Variants in SUCO observed in about 807,000 individuals in gnomAD.
The protein encoded by SUCO is SUN domain containing ossification factor, also known as SUN domain-containing ossification factor.
A neutral mutation model predicts 148.1 loss-of-function variants in SUCO; 57 were observed. The ratio of observed to expected loss-of-function variants is 0.38; its 90% CI spans 0.31 to 0.48. The LOEUF (loss-of-function observed/expected upper bound fraction) is 0.48. Among genes scored for constraint, SUCO ranks in the 20% least tolerant of loss-of-function variants. The probability of loss-of-function intolerance (pLI) is 0.96; values close to 1 mark genes in which losing one functional copy is unlikely to be tolerated. For missense variants in SUCO, 1,331 were observed against 1,468.2 expected, an observed-to-expected ratio of 0.91 and a Z score of 1.53; for synonymous variants, 470 against 502.7, an observed-to-expected ratio of 0.93 and a Z score of 0.87.
chr1:172,549,300 G>A (rs1054130162), intron 1 of SUCO, among the ~76,000 whole-genome samples: 7 of 151,694 alleles, frequency 4.6e-5, no homozygotes, highest in Non-Finnish European at 1.0e-4. Flanking sequence ...ACAGACTCCA[G>A]TTTAGTTTTA....
chr1:172,593,402 G>A (rs1260265352), intron 19 of SUCO, among the ~76,000 whole-genome samples: 1 of 152,164 alleles, frequency 6.6e-6, no homozygotes, highest in Non-Finnish European at 1.5e-5. Flanking sequence ...TATGATATTG[G>A]CTGTGGGTTT....
intron 1 of SUCO, among the ~76,000 whole-genome samples, chr1:172,548,948 T>G (rs1571190521): frequency 1.3e-5 from 2 of 152,004 alleles, no homozygotes; most frequent in Admixed American, 1.3e-4. Flanking sequence ...ACTTTTTGTT[T>G]ATTCTCTTTC....
chr1:172,543,651 A>G lies in SUCO; in HGVS notation c.63-7861A>G, dbSNP rs565661528. Among the ~76,000 whole-genome samples the G allele has an allele frequency of 5.3e-5, 8 of 152,306 alleles. No homozygotes were observed. The East Asian group carries it at 7.7e-4, about 15-fold the overall frequency. On this transcript the variant is annotated intron_variant, in intron 1 of 23. Transcript: ENST00000263688. ...TTAAGCTAAGAAAATTTAAGACCCA[A>G]TCCTACATCAGAGTGAAGTTAAAAG...
chr1:172,577,960 A>T, intron 13 of SUCO, 141 bp downstream of exon 13: 1 of 619,928 alleles, frequency 1.6e-6, no homozygotes. Flanking sequence ...TTTCTTTTGA[A>T]TGCATTTTGG....
At chr1:172,565,184 G>A (rs1367539790) in intron 6 of SUCO, among the ~76,000 whole-genome samples, 1 of 152,168 alleles carries the variant, frequency 6.6e-6, no homozygotes, top group East Asian at 1.9e-4. Flanking sequence ...GACTTCAGAG[G>A]CCCTGACTTG....
intron 6 of SUCO, among the ~76,000 whole-genome samples, chr1:172,566,756 G>A (rs1050508425): frequency 6.6e-6 from 1 of 152,194 alleles, no homozygotes; most frequent in Non-Finnish European, 1.5e-5. Context: ...ATGGAAAGGG[G>A]TGGTAACTTC....
At chr1:172,609,263 T>A (rs1335475163) in intron 23 of SUCO, 1 of 984,742 alleles carries the variant, frequency 1.0e-6, no homozygotes, top group Non-Finnish European at 1.2e-6. Flanking sequence ...GTACTTAGGA[T>A]TTTTTGGCTT....
chr1:172,532,721 A>G (rs552718036), upstream of SUCO: 9 of 1,614,002 alleles, frequency 5.6e-6, no homozygotes, highest in East Asian at 1.3e-4. Flanking sequence ...GGGACTGGGA[A>G]AGAGAAAAAC....
chr1:172,532,950 T>C, upstream of SUCO: 1 of 1,365,978 alleles, frequency 7.3e-7, no homozygotes, highest in South Asian at 1.5e-5. Flanking sequence ...CTTCTCCGCC[T>C]GCGACGTCGA....
intron 22 of SUCO, 55 bp downstream of exon 22, chr1:172,602,842 C>A: frequency 7.0e-7 from 1 of 1,427,460 alleles, no homozygotes; most frequent in Non-Finnish European, 9.8e-7. Context: ...TAGCTTCTGG[C>A]ATAAATATAA....
At chr1:172,593,690 A>G (rs1656846801) in intron 19 of SUCO, among the ~76,000 whole-genome samples, 1 of 152,170 alleles carries the variant, frequency 6.6e-6, no homozygotes, top group South Asian at 2.1e-4. Context: ...TATTTTATTG[A>G]GGATTTTTGC....
intron 9 of SUCO, among the ~76,000 whole-genome samples, chr1:172,573,310 T>C (rs1655184564): frequency 6.6e-6 from 1 of 152,184 alleles, no homozygotes; most frequent in African/African-American, 2.4e-5. Flanking sequence ...GAAATGATAG[T>C]TTCTGGTACC....
At chr1:172,588,408 A>G (rs568383381) in intron 17 of SUCO, 642 of 984,292 alleles carry the variant, frequency 6.5e-4, no homozygotes, top group Admixed American at 9.8e-4. Flanking sequence ...TGAAGCTTGT[A>G]AAGATTCAGT....
intron 23 of SUCO, 31 bp downstream of exon 23, chr1:172,608,833 C>A (rs775295080): frequency 1.3e-5 from 19 of 1,411,902 alleles, no homozygotes; most frequent in Admixed American, 9.5e-5. Context: ...AAGTTTATTG[C>A]TATGTTTTGT....
chr1:172,606,995 A>G (rs1328082337), intron 22 of SUCO, among the ~76,000 whole-genome samples: 1 of 151,294 alleles, frequency 6.6e-6, no homozygotes, highest in Non-Finnish European at 1.5e-5. Context: ...TATTTTTTCC[A>G]TTTCCAGGAG....
At chr1:172,594,061 G>A (rs144170803) in intron 19 of SUCO, among the ~76,000 whole-genome samples, 1,796 of 152,134 alleles carry the variant, frequency 0.012, 31 homozygotes, top group African/African-American at 0.039. Flanking sequence ...GTTTATTTGC[G>A]TAGAGGTGTT....
intron 20 of SUCO, among the ~76,000 whole-genome samples, chr1:172,601,795 T>C (rs1349938860): frequency 2.6e-5 from 4 of 152,228 alleles, no homozygotes; most frequent in Non-Finnish European, 5.9e-5. Flanking sequence ...TGTTAACAAT[T>C]GGTGAGATAG....
At chr1:172,533,087 G>T (rs1408857001), upstream of SUCO, 3 of 1,429,362 alleles carry the variant, frequency 2.1e-6, no homozygotes, top group Non-Finnish European at 2.7e-6. Context: ...GTTGAGAGGC[G>T]AGTACGCGGC....
In SUCO at chr1:172,564,203, G is replaced by A. The variant is rs187964522; in HGVS notation, c.733-4816G>A. 1.4e-4 allele frequency among the ~76,000 whole-genome samples: 22 copies of A among 152,366 alleles called. No homozygotes were observed. The East Asian group carries it at 4.1e-3, about 28-fold the overall frequency. Reference sequence around the variant, plus strand: ...AGTGCAGAGGGGAAATATGGGGTGGGAACCCCCAATCCCCAGCATCCCCAC... The same window carrying A: ...AGTGCAGAGGGGAAATATGGGGTGGAAACCCCCAATCCCCAGCATCCCCAC... On this transcript the variant is annotated intron_variant, in intron 6 of 23. Coordinates refer to ENST00000263688, the MANE Select transcript of SUCO (RefSeq NM_014283.5).
Sources: gnomAD v4.1 joint callset for allele counts (sites outside exome capture counted in the v4.1 genomes callset) on GRCh38, gnomAD v4.1.1 for gene constraint, MANE v1.5 for transcripts, NCBI Gene and HGNC (gene_info 2026-07-23, HGNC 2026-07-21) for gene names.